Variants in ZMYND10 observed in about 807,000 individuals in gnomAD.
ZMYND10 encodes zinc finger MYND domain-containing protein 10.
In ZMYND10, 52 loss-of-function variants were observed where a neutral mutation model predicts 62.6. The ratio of observed to expected loss-of-function variants is 0.83; its 90% confidence interval spans 0.67 to 1.05. The LOEUF (loss-of-function observed/expected upper bound fraction) is 1.05, where lower values mean the gene tolerates loss of function less well. ZMYND10 is among the 50% of genes least tolerant of loss of function. The pLI, the probability that ZMYND10 is intolerant of heterozygous loss-of-function variation, is 0.00. For synonymous variants in ZMYND10, 197 were observed against 218.5 expected (o/e 0.90, Z 0.87); for missense variants, 438 against 543.3 (o/e 0.81, Z 1.93).
chr3:50,344,617 C>CTTT (rs10563378), intron 2 of ZMYND10, among the ~76,000 whole-genome samples: 9 of 128,726 alleles, frequency 7.0e-5, no homozygotes, highest in East Asian at 2.3e-4. Flanking sequence ...CCATGCCCGG[C>CTTT]TTTTTTTTTT....
In ZMYND10 at chr3:50,341,702, G is replaced by A. The variant is rs1179144370; in HGVS notation, c.1122-3C>T. ...CCAGCCTGTAGGTCTCAGCCCACCT[G>A]GGGGAAAGTCAGGAAGGTCTGACTG... is the stretch of plus-strand genomic sequence containing the variant. On this transcript the variant is annotated splice_region_variant and splice_polypyrimidine_tract_variant and intron_variant, in intron 10 of 11. Transcript: ENST00000231749. 1 of 1,614,046 alleles carries A rather than the reference G, an allele frequency of 6.2e-7. No individual in the cohort carries two copies. Among genetic ancestry groups the A allele is most frequent in the South Asian group, 1.1e-5 (1 of 91,086 alleles).
rs201582591 is a variant in ZMYND10 at position 50,342,542 on chromosome 3, C to T, written c.728G>A (p.Arg243His). The T allele has an allele frequency of 4.2e-5, 67 of 1,613,506 alleles. No individual in the cohort carries two copies. Among genetic ancestry groups the T allele is most frequent in the Non-Finnish European group, 4.7e-5 (56 of 1,179,602 alleles). Residue 243 changes from arginine (R) to histidine (H), a missense_variant, in exon 8 of 12, where the codon CGT becomes CAT. Physicochemically the swap from Arg to His is conservative, Grantham distance 29. Coordinates refer to ENST00000231749, the MANE Select transcript of ZMYND10 (RefSeq NM_015896.4). Reference sequence around the variant, plus strand: ...CTCTGAGGGGGCCACAGTATGCCAACGGCTGCCCTCGAACTGCTGCAGCTT... The same window carrying T: ...CTCTGAGGGGGCCACAGTATGCCAATGGCTGCCCTCGAACTGCTGCAGCTT... Reference protein sequence around the residue: ...GGKLQQFEGSRWHTVAPSEQQ... With the variant: ...GGKLQQFEGSHWHTVAPSEQQ...
At position 50,341,211 on chromosome 3, in the gene ZMYND10, C is replaced by T. The variant is rs1703359301; in HGVS notation, c.*199G>A. ...GCTGAAGCAACACACTTGGCCTACCCACTGGGTGGGGCAGGAAGTCTCGAG... is the reference window on the plus strand; with the variant it reads ...GCTGAAGCAACACACTTGGCCTACCTACTGGGTGGGGCAGGAAGTCTCGAG... On this transcript the variant is annotated 3_prime_UTR_variant, in exon 12 of 12. Transcript: ENST00000231749. 1.4e-6 allele frequency: 1 copy of T among 700,966 alleles called. No homozygotes were observed. Among genetic ancestry groups the T allele is most frequent in the Non-Finnish European group, 2.4e-6 (1 of 425,234 alleles). 43.4% of individuals were successfully genotyped at this position (700,966 alleles called of 1,614,324 possible).
chr3:50,342,254 C>T (rs1343746936), intron 8 of ZMYND10, 114 bp from the exon 9 acceptor site: 1 of 1,577,498 alleles, frequency 6.3e-7, no homozygotes, highest in Non-Finnish European at 8.6e-7. Flanking sequence ...GTCCCACTAG[C>T]TGGTGTGTCA....
At chr3:50,342,872 C>G in intron 7 of ZMYND10, 46 bp downstream of exon 7, 2 of 1,600,178 alleles carry the variant, frequency 1.2e-6, no homozygotes, top group Non-Finnish European at 1.7e-6. Context: ...AAAAAGATAC[C>G]CTGAAGCAGT....
rs755072957 is a variant in ZMYND10 at position 50,342,263 on chromosome 3, C to G, written c.874-123G>C. On this transcript the variant is annotated intron_variant, in intron 8 of 11. Transcript: ENST00000231749. The stretch of plus-strand genomic sequence containing the variant: ...GCCCATGTCCCACTAGCTGGTGTGT[C>G]ACCTGAGGCCCAAGGACTGAAAAGA... 5.0e-5 allele frequency: 79 copies of G among 1,573,742 alleles called. No homozygotes were observed. The African/African-American group carries it at 9.7e-4, about 19-fold the overall frequency.
Position 50,345,327 on chromosome 3 carries a change from G to C in ZMYND10, c.93-95C>G. 3 of 1,502,298 alleles carry C rather than the reference G, an allele frequency of 2.0e-6. No homozygotes were observed. The highest frequency in any genetic ancestry group is 2.7e-6 in the Non-Finnish European group (3 of 1,102,880). 93.1% of individuals were successfully genotyped at this position (1,502,298 alleles called of 1,614,324 possible). On this transcript the variant is annotated intron_variant, in intron 1 of 11. Transcript: ENST00000231749. This position sits in a 1 kb window ranked among gnomAD's most constrained non-coding sequence, Gnocchi z 5.0. ...ACTGAAGCCTAACCTGATCCTGAGG[G>C]GACACAGGGGGCTCAGGAGCAGTAA...
In ZMYND10 at chr3:50,341,675, A is replaced by G; in HGVS notation, c.1146T>C (p.Asp382=). ...GCTCTGGAGCCACTGCCTCTAGCAC[A>G]TCCAGCCTGTAGGTCTCAGCCCACC... The part of the protein sequence containing the change: ...ARRWAETYRL[D]VLEAVAPERP... The change falls in exon 11 of 12, where the codon GAT becomes GAC. Residue 382 remains aspartate (D), a synonymous_variant. Transcript: ENST00000231749. The G allele has an allele frequency of 6.2e-7, 1 of 1,614,226 alleles. No individual in the cohort carries two copies. The highest frequency in any genetic ancestry group is 8.5e-7 in the Non-Finnish European group (1 of 1,180,034).
Position 50,343,615 on chromosome 3 carries a change from A to G in ZMYND10, c.320T>C (p.Val107Ala), listed in dbSNP as rs751659076. 16 of 1,613,990 alleles carry G rather than the reference A, an allele frequency of 9.9e-6. No individual in the cohort carries two copies. The African/African-American group carries it at 1.9e-4, about 19-fold the overall frequency. ...GTTGATGATGGAGGCCTCGTGGTGC[A>G]CCTGTCAGATAAAGAGAAGGACAGG... Reference protein sequence around the residue: ...PQNTFPIYMVVHHEASIINLL... With the variant: ...PQNTFPIYMVAHHEASIINLL... Residue 107 changes from valine to alanine, a missense_variant and splice_region_variant, in exon 4 of 12, where the codon GTG (valine) becomes GCG (alanine). Coordinates refer to ENST00000231749, the MANE Select transcript of ZMYND10 (RefSeq NM_015896.4).
chr3:50,344,182 C>T, intron 2 of ZMYND10: 1 of 376,354 alleles, frequency 2.7e-6, no homozygotes, highest in Non-Finnish European at 5.0e-6. Context: ...CATGCCCTCC[C>T]TCTAGTCCCT....
chr3:50,344,324 T>A (rs587677586), intron 2 of ZMYND10, among the ~76,000 whole-genome samples: 1 of 150,344 alleles, frequency 6.7e-6, no homozygotes, highest in South Asian at 2.1e-4. Flanking sequence ...TCTTTTTTTT[T>A]TTTTTTTTTT....
At position 50,345,506 on chromosome 3, in the gene ZMYND10, C is replaced by T. The variant is rs748175021; in HGVS notation, c.74G>A (p.Arg25His). 11 of 1,606,732 alleles carry T rather than the reference C, an allele frequency of 6.8e-6. No individual in the cohort carries two copies. Among genetic ancestry groups the T allele is most frequent in the Non-Finnish European group, 8.5e-6 (10 of 1,177,222 alleles). ...LVRGLRSFPL[R>H]EMGSEGWNQQ... ...GCCTCACCCTTCGGAGCCCATCTCG[C>T]GTAGCGGGAAGCTGCGCAGACCCCG... The change falls in exon 1 of 12, where the codon CGC becomes CAC. Residue 25 changes from arginine to histidine, a missense_variant. Transcript: ENST00000231749. The surrounding 1 kb of genome is among the most constrained non-coding windows in gnomAD (Gnocchi z 5.0).
rs1703360613 is a variant in ZMYND10 at position 50,341,252 on chromosome 3, A to C, written c.*158T>G. ...AAGTCTCGAGCCTTCACTTGGGGTGAGGAGGAGGGAGATCGGTCAGCAGCT... is the reference window on the plus strand; with the variant it reads ...AAGTCTCGAGCCTTCACTTGGGGTGCGGAGGAGGGAGATCGGTCAGCAGCT... On this transcript the variant is annotated 3_prime_UTR_variant, in exon 12 of 12. Coordinates refer to ENST00000231749, the MANE Select transcript of ZMYND10 (RefSeq NM_015896.4). 1.2e-6 allele frequency: 1 copy of C among 866,606 alleles called. No individual in the cohort carries two copies. The highest frequency in any genetic ancestry group is 1.8e-6 in the Non-Finnish European group (1 of 564,770). 53.7% of individuals were successfully genotyped at this position (866,606 alleles called of 1,614,324 possible).
chr3:50,343,039 AAGG>A (rs778629581), intron 6 of ZMYND10, 21 bp from the exon 7 acceptor site: 1 of 1,613,964 alleles, frequency 6.2e-7, no homozygotes, highest in Middle Eastern at 1.6e-4. Context: ...GGACGTTGTG[AAGG>A]AGGTGAGTAG....
rs776209802 is a variant in ZMYND10, at chr3:50,345,625, G to A, written c.-46C>T. The A allele has an allele frequency of 1.3e-5, 20 of 1,547,020 alleles. No individual in the cohort carries two copies. ...GATCCTGGGCAGCAGCCGGGGTGGG[G>A]ATGCTGTCACATTCGGGGACGACGG... On this transcript the variant is annotated 5_prime_UTR_variant, in exon 1 of 12. Coordinates refer to ENST00000231749, the MANE Select transcript of ZMYND10 (RefSeq NM_015896.4). This position sits in a 1 kb window ranked among gnomAD's most constrained non-coding sequence, Gnocchi z 5.0.
In ZMYND10 at chr3:50,343,303, C is replaced by T; in HGVS notation, c.510+4G>A. On this transcript the variant is annotated splice_donor_region_variant and intron_variant, in intron 5 of 11. Coordinates refer to ENST00000231749, the MANE Select transcript of ZMYND10 (RefSeq NM_015896.4). ...TTTCACAACCCTAGGTAACCTCAAC[C>T]CACCTGCATGGGGTTGCTGTCCTGG... The T allele has an allele frequency of 6.2e-7, 1 of 1,612,156 alleles. No homozygotes were observed. Among genetic ancestry groups the T allele is most frequent in the African/African-American group, 1.3e-5 (1 of 75,044 alleles).
Position 50,341,449 on chromosome 3 carries a change from CT to C in ZMYND10, c.1283del (p.Lys428ArgfsTer19). 1.2e-6 allele frequency: 2 copies of C among 1,614,220 alleles called. No homozygotes were observed. The highest frequency in any genetic ancestry group is 2.7e-5 in the African/African-American group (2 of 75,054). On this transcript the variant is annotated frameshift_variant, in exon 12 of 12. Coordinates refer to ENST00000231749, the MANE Select transcript of ZMYND10 (RefSeq NM_015896.4). LOFTEE classifies it high-confidence loss of function. Reference sequence around the variant, plus strand: ...CACCCTGGGCTGCCAGGACACAAGTCTTTCCATGCTTTTCCCAGTGCTTGAC... The same window carrying C: ...CACCCTGGGCTGCCAGGACACAAGTCTTCCATGCTTTTCCCAGTGCTTGAC... The part of the protein sequence containing the change: ...CQVKHWEKHG[K>X]TCVLAAQGDR...
rs1335327546 is a variant in ZMYND10, at chr3:50,345,504, C to T, written c.76G>A (p.Glu26Lys). 1.2e-6 allele frequency: 2 copies of T among 1,606,110 alleles called. No homozygotes were observed. The highest frequency in any genetic ancestry group is 1.3e-5 in the African/African-American group (1 of 74,826). ...GTGCCTCACCCTTCGGAGCCCATCTCGCGTAGCGGGAAGCTGCGCAGACCC... is the reference window on the plus strand; with the variant it reads ...GTGCCTCACCCTTCGGAGCCCATCTTGCGTAGCGGGAAGCTGCGCAGACCC... ...VRGLRSFPLREMGSEGWNQQH... is the reference protein window; with the variant it reads ...VRGLRSFPLRKMGSEGWNQQH... The change falls in exon 1 of 12, where the codon GAG (glutamate) becomes AAG (lysine). Residue 26 changes from glutamate (E) to lysine (K), a missense_variant. By Grantham distance (56) the Glu-to-Lys change is moderately conservative. Coordinates refer to ENST00000231749, the MANE Select transcript of ZMYND10 (RefSeq NM_015896.4). The surrounding 1 kb of genome is among the most constrained non-coding windows in gnomAD (Gnocchi z 5.0).
chr3:50,342,177 G>A (rs777850065), intron 8 of ZMYND10, 37 bp from the exon 9 acceptor site: 2 of 1,597,020 alleles, frequency 1.3e-6, no homozygotes, highest in East Asian at 4.5e-5. Flanking sequence ...TGTGATGCAG[G>A]TGCTGGCCAG....
Sources: gnomAD v4.1 joint callset for allele counts (sites outside exome capture counted in the v4.1 genomes callset) on GRCh38, gnomAD v4.1.1 for gene constraint, Gnocchi (gnomAD v3.1) non-coding constraint, MANE v1.5 for transcripts, NCBI Gene and HGNC (gene_info 2026-07-23, HGNC 2026-07-21) for gene names.